The following PDE1C variants were observed in gnomAD, a reference collection of about 807,000 sequenced individuals.
PDE1C encodes the protein dual specificity calcium/calmodulin-dependent 3',5'-cyclic nucleotide phosphodiesterase 1C.
A neutral mutation model predicts 93.1 loss-of-function variants in PDE1C; 62 were observed. The ratio of observed to expected loss-of-function variants is 0.67; its 90% CI spans 0.54 to 0.82. The LOEUF is 0.82. PDE1C is among the 40% of genes least tolerant of loss of function. The pLI is 0.00. For missense variants in PDE1C, 742 were observed against 884.6 expected, an observed-to-expected ratio of 0.84 and a Z score of 2.04; for synonymous variants, 325 against 310.1, an observed-to-expected ratio of 1.05 and a Z score of -0.50.
chr7:32,062,855 C>G (rs1385104182), intron 1 of PDE1C, among the ~76,000 whole-genome samples: 1 of 152,152 alleles, frequency 6.6e-6, no homozygotes, highest in Non-Finnish European at 1.5e-5. Context: ...TTTCTGCATA[C>G]AGATGTGTAT....
chr7:31,926,402 T>A (rs1264465576), intron 2 of PDE1C, among the ~76,000 whole-genome samples: 1 of 152,204 alleles, frequency 6.6e-6, no homozygotes, highest in Non-Finnish European at 1.5e-5. Context: ...TTGTGGAATA[T>A]AAGTGCATTA....
intron 2 of PDE1C, among the ~76,000 whole-genome samples, chr7:31,926,663 G>A (rs959373783): frequency 4.6e-5 from 7 of 152,156 alleles, no homozygotes; most frequent in African/African-American, 1.2e-4. Flanking sequence ...GTGGGGCATC[G>A]CCTCACCTGG....
intron 1 of PDE1C, among the ~76,000 whole-genome samples, chr7:32,321,972 G>A (rs1482432816): frequency 6.6e-6 from 1 of 152,188 alleles, no homozygotes; most frequent in Non-Finnish European, 1.5e-5. Context: ...TATGTGACAT[G>A]CACCAGATGC....
At chr7:32,298,793 C>A in exon 1 of PDE1C, 1 of 1,537,604 alleles carries the variant, frequency 6.5e-7, no homozygotes, top group Non-Finnish European at 8.7e-7. Flanking sequence ...GCGGTCCCCC[C>A]CACGGCGGAG....
rs192097285 is a variant in PDE1C at position 31,758,367 on chromosome 7, T to A, written c.1961-4814A>T. On this transcript the variant is annotated intron_variant, in intron 17 of 17. Coordinates refer to ENST00000396191, the MANE Select transcript of PDE1C (RefSeq NM_001191057.4). ...TTTTAAAATACTTATGAGGTACCCA[T>A]ACTCCCAAGTATGCCTCATAAAAGC... Among the ~76,000 whole-genome samples, 550 of 152,298 alleles carry A rather than the reference T, an allele frequency of 3.6e-3. 2 individuals carry two copies. Among genetic ancestry groups the A allele is most frequent in the Non-Finnish European group, 5.6e-3 (379 of 68,024 alleles).
In PDE1C at chr7:31,823,188, C is replaced by T. The variant is rs1455810033; in HGVS notation, c.1467G>A (p.Glu489=). 5 of 1,613,134 alleles carry T rather than the reference C, an allele frequency of 3.1e-6. No individual in the cohort carries two copies. The highest frequency in any genetic ancestry group is 4.2e-6 in the Non-Finnish European group (5 of 1,179,506). The change falls in exon 14 of 18, where the codon GAG becomes GAA. Residue 489 remains glutamate (E), a synonymous_variant. Coordinates refer to ENST00000396191, the MANE Select transcript of PDE1C (RefSeq NM_001191057.4). ...KRSGVKTSGS[E]GSAPINNSVI... ...CAGAATTGTTGATCGGGGCACTTCC[C>T]TCTGAACCAGAGGTCTTGACACCTG...
At chr7:31,620,115 TG>T in the PDE1C span, among the ~76,000 whole-genome samples, 1 of 152,148 alleles carries the variant, frequency 6.6e-6, no homozygotes, top group Non-Finnish European at 1.5e-5. Flanking sequence ...AAGCTCCAAC[TG>T]GGTGGAGCCC....
chr7:32,379,359 C>T (rs1052282576), intron 1 of PDE1C, among the ~76,000 whole-genome samples: 1 of 152,184 alleles, frequency 6.6e-6, no homozygotes, highest in African/African-American at 2.4e-5. Context: ...GAAGTGGTTC[C>T]TTCCTACCAC....
chr7:32,374,256 G>GA lies in PDE1C; in HGVS notation c.310+53565dup, dbSNP rs1784389218. Reference sequence around the variant, plus strand: ...AAAGAAAGAAGGAAGGAAAGGAAAGGAAGAAAGAAAGAAAGAAAGAAAGAA... The same window carrying GA: ...AAAGAAAGAAGGAAGGAAAGGAAAGGAAAGAAAGAAAGAAAGAAAGAAAGAA... On this transcript the variant is annotated intron_variant, in intron 1 of 1. Coordinates refer to the PDE1C transcript ENST00000672256. Among the ~76,000 whole-genome samples, 224 of 113,340 alleles carry GA rather than the reference G, an allele frequency of 2.0e-3. 1 individual carries two copies. Among genetic ancestry groups the GA allele is most frequent in the Non-Finnish European group, 3.1e-3 (177 of 56,806 alleles). The allele number at this position is 113,340 out of a possible 152,430, so 74.4% of individuals were successfully genotyped here.
chr7:32,088,100 G>A (rs1797231990), intron 3 of PDE1C, among the ~76,000 whole-genome samples: 1 of 151,922 alleles, frequency 6.6e-6, no homozygotes. Flanking sequence ...TTATAAATTT[G>A]AATAGCATTT....
rs528994672 is a variant in PDE1C at position 32,103,061 on chromosome 7, G to A, written c.308+66724C>T. On this transcript the variant is annotated intron_variant, in intron 3 of 18. Transcript: ENST00000396193. ...TAAGGGAGAATTCCTTGGGCTAAAA[G>A]CACAGGTCCAGAGGTTGTCAGTTAA... Among the ~76,000 whole-genome samples the A allele has an allele frequency of 2.0e-5, 3 of 152,284 alleles. 1 individual carries two copies. Among genetic ancestry groups the A allele is most frequent in the Middle Eastern group, 6.8e-3 (2 of 294 alleles).
chr7:32,123,471 C>T (rs191931765), intron 3 of PDE1C, among the ~76,000 whole-genome samples: 764 of 151,020 alleles, frequency 5.1e-3, no homozygotes, highest in African/African-American at 0.017. Flanking sequence ...AATAAAACAC[C>T]GGCAAACCAC....
chr7:31,772,111 T>A (rs924461041), intron 17 of PDE1C, among the ~76,000 whole-genome samples: 1 of 152,106 alleles, frequency 6.6e-6, no homozygotes, highest in African/African-American at 2.4e-5. Context: ...TGCCTAGAGT[T>A]TTGTAGTTAC....
the PDE1C span, among the ~76,000 whole-genome samples, chr7:31,730,155 A>G: frequency 6.6e-6 from 1 of 152,116 alleles, no homozygotes; most frequent in East Asian, 1.9e-4. Flanking sequence ...GTCCTTTCCC[A>G]TCATATTCCT....
At chr7:32,238,615 G>T (rs1808314010) in intron 1 of PDE1C, among the ~76,000 whole-genome samples, 1 of 152,096 alleles carries the variant, frequency 6.6e-6, no homozygotes, top group Middle Eastern at 3.2e-3. Flanking sequence ...AAACAGAGGT[G>T]GGAGGAAGGA....
chr7:31,729,129 G>A, the PDE1C span, among the ~76,000 whole-genome samples: 9 of 152,310 alleles, frequency 5.9e-5, no homozygotes, highest in African/African-American at 2.2e-4. Flanking sequence ...AGGACCAAAT[G>A]TAAAAACAAA....
At chr7:31,680,801 CA>C in the PDE1C span, among the ~76,000 whole-genome samples, 1 of 152,096 alleles carries the variant, frequency 6.6e-6, no homozygotes, top group African/African-American at 2.4e-5. Flanking sequence ...CTGGATAGGG[CA>C]AACCCTAGAA....
chr7:31,631,109 G>A, the PDE1C span, among the ~76,000 whole-genome samples: 3 of 152,244 alleles, frequency 2.0e-5, no homozygotes, highest in African/African-American at 4.8e-5. Context: ...ACCATTGTCA[G>A]CAGTTTTATG....
chr7:31,815,737 C>A (rs989059495), intron 15 of PDE1C, among the ~76,000 whole-genome samples, 187 bp downstream of exon 15: 48 of 152,094 alleles, frequency 3.2e-4, no homozygotes, highest in African/African-American at 1.1e-3. Context: ...AAGAGGATGG[C>A]ACAGGTGAGC....
Sources: allele counts gnomAD v4.1 joint callset (sites outside exome capture counted in the v4.1 genomes callset), GRCh38; gene constraint gnomAD v4.1.1; transcripts MANE v1.5; gene names NCBI Gene and HGNC (gene_info 2026-07-23, HGNC 2026-07-21).